The following SIL1 variants were observed in gnomAD, a reference collection of about 807,000 sequenced individuals.
SIL1 encodes the protein SIL1 nucleotide exchange factor.
SIL1 carries 40 observed loss-of-function variants against 49.1 expected under a neutral mutation model. The ratio of observed to expected loss-of-function variants is 0.81; its 90% confidence interval spans 0.63 to 1.06. SIL1 has a LOEUF of 1.06. Among genes scored for constraint, SIL1 ranks in the 50% least tolerant of loss-of-function variants. SIL1 has a pLI of 0.00. For synonymous variants in SIL1, 253 were observed against 250.8 expected, an observed-to-expected ratio of 1.01 and a Z score of -0.08; for missense variants, 500 against 572.6, an observed-to-expected ratio of 0.87 and a Z score of 1.29.
rs868160494 is a variant in SIL1 at position 138,951,110 on chromosome 5, C to T, written c.1029+61G>A. The stretch of plus-strand genomic sequence containing the variant: ...CCGCAGTCTCTTCCATCTGTCTGTC[C>T]ATCCACCCAGAAGCACACACAAAGC... On this transcript the variant is annotated intron_variant, in intron 9 of 9. Transcript: ENST00000394817. 1.0e-4 allele frequency: 157 copies of T among 1,564,092 alleles called. 3 individuals carry two copies. The Middle Eastern group carries it at 3.2e-3, about 31-fold the overall frequency.
intron 3 of SIL1, among the ~76,000 whole-genome samples, chr5:139,093,497 A>C (rs1770388407): frequency 6.6e-6 from 1 of 152,162 alleles, no homozygotes; most frequent in Non-Finnish European, 1.5e-5. Flanking sequence ...ATAACCTGAC[A>C]CAATCTCCAT....
At position 139,058,057 on chromosome 5, in the gene SIL1, G is replaced by A. The variant is rs111716510; in HGVS notation, c.245-7011C>T. On this transcript the variant is annotated intron_variant, in intron 3 of 9. Transcript: ENST00000394817. ...TGTGATAAATGAATTAATAAAAGTA[G>A]TATATCCATATAATATTATTCACCA... Among the ~76,000 whole-genome samples the A allele has an allele frequency of 5.6e-3, 845 of 152,236 alleles. 4 individuals carry two copies. Among genetic ancestry groups the A allele is most frequent in the African/African-American group, 0.02 (810 of 41,524 alleles).
At chr5:139,054,920 C>T (rs1356882200) in intron 3 of SIL1, among the ~76,000 whole-genome samples, 2 of 152,166 alleles carry the variant, frequency 1.3e-5, no homozygotes, top group Non-Finnish European at 2.9e-5. Flanking sequence ...TACTTCTCCA[C>T]TGGGGAAATG....
chr5:139,073,900 C>CA lies in SIL1; in HGVS notation c.245-22855dup, dbSNP rs57155648. ...GGGCAACAAGAGCAAAACTCCATCT[C>CA]AAAAAAAAAAATACATAAATAATAA... On this transcript the variant is annotated intron_variant, in intron 3 of 9. Transcript: ENST00000394817. Among the ~76,000 whole-genome samples, 1,009 of 140,774 alleles carry CA rather than the reference C, an allele frequency of 7.2e-3. 5 individuals are homozygous for CA. The highest frequency in any genetic ancestry group is 0.022 in the African/African-American group (856 of 38,408). 92.4% of individuals were successfully genotyped at this position (140,774 alleles called of 152,430 possible).
At chr5:139,106,898 G>A (rs1384280969) in intron 3 of SIL1, among the ~76,000 whole-genome samples, 1 of 152,200 alleles carries the variant, frequency 6.6e-6, no homozygotes, top group African/African-American at 2.4e-5. Flanking sequence ...TTCTTTCTCT[G>A]GATGATCAAA....
intron 3 of SIL1, among the ~76,000 whole-genome samples, chr5:139,116,939 C>T (rs564375967): frequency 1.3e-5 from 2 of 152,288 alleles, no homozygotes; most frequent in South Asian, 4.1e-4. Flanking sequence ...GATGAGGAAA[C>T]TAAGGTTCTG....
intron 7 of SIL1, among the ~76,000 whole-genome samples, chr5:138,955,254 C>A (rs1029607154): frequency 6.6e-6 from 1 of 152,160 alleles, no homozygotes; most frequent in Non-Finnish European, 1.5e-5. Flanking sequence ...ATCTCCGATG[C>A]GATAAATGAG....
intron 3 of SIL1, among the ~76,000 whole-genome samples, chr5:139,058,154 G>C (rs951841524): frequency 6.6e-6 from 1 of 152,052 alleles, no homozygotes; most frequent in African/African-American, 2.4e-5. Flanking sequence ...CTAAGTGAAA[G>C]CCAGATACAA....
intron 1 of SIL1, among the ~76,000 whole-genome samples, chr5:139,135,747 AG>A (rs1047055209): frequency 3.2e-4 from 49 of 151,688 alleles, no homozygotes; most frequent in Non-Finnish European, 5.6e-4. Context: ...CAGCGACAAA[AG>A]TTAGTGCATC....
intron 3 of SIL1, among the ~76,000 whole-genome samples, chr5:139,054,542 T>C (rs1274986519): frequency 6.6e-6 from 1 of 152,178 alleles, no homozygotes; most frequent in African/African-American, 2.4e-5. Context: ...TAATAGTAAT[T>C]AGTCATGTTA....
intron 3 of SIL1, among the ~76,000 whole-genome samples, chr5:139,116,536 C>G (rs13188935): frequency 0.44 from 67,482 of 152,154 alleles, 15,341 homozygotes; most frequent in African/African-American, 0.51. Flanking sequence ...GAACAAGGGG[C>G]CCTCTGCCAG....
At chr5:139,023,228 C>A (rs1041411692) in intron 6 of SIL1, among the ~76,000 whole-genome samples, 3 of 152,202 alleles carry the variant, frequency 2.0e-5, no homozygotes, top group Middle Eastern at 6.8e-3. Flanking sequence ...AAAGCTGGGC[C>A]CCCCCCTGGT....
intron 1 of SIL1, among the ~76,000 whole-genome samples, chr5:139,144,879 A>AG (rs886367976): frequency 6.6e-6 from 1 of 152,196 alleles, no homozygotes; most frequent in African/African-American, 2.4e-5. Context: ...CTAAAAAAAA[A>AG]AAGTTAAAAC....
chr5:139,196,679 A>G (rs755204709), intron 1 of SIL1, among the ~76,000 whole-genome samples: 2 of 152,228 alleles, frequency 1.3e-5, no homozygotes, highest in African/African-American at 2.4e-5. Context: ...TTAAAACAGC[A>G]CATGTATTCA....
intron 3 of SIL1, among the ~76,000 whole-genome samples, chr5:139,087,021 T>A (rs997044981): frequency 2.0e-5 from 3 of 151,906 alleles, no homozygotes; most frequent in Middle Eastern, 6.8e-3. Context: ...TAAATAGAAA[T>A]GGGGTCTTGC....
chr5:139,164,096 GCAA>G (rs769747709), intron 1 of SIL1, among the ~76,000 whole-genome samples: 14 of 134,904 alleles, frequency 1.0e-4, no homozygotes, highest in South Asian at 2.3e-4. Context: ...TCCAGCCTGG[GCAA>G]CAACAAGAGA....
intron 1 of SIL1, among the ~76,000 whole-genome samples, chr5:139,180,529 A>G (rs1344771381): frequency 6.6e-6 from 1 of 152,016 alleles, no homozygotes; most frequent in African/African-American, 2.4e-5. Context: ...CAGAATTGGG[A>G]ATGTAGCTCC....
intron 1 of SIL1, among the ~76,000 whole-genome samples, chr5:139,189,548 G>GTTGGGCATGA (rs373341225): frequency 7.9e-5 from 12 of 152,312 alleles, no homozygotes; most frequent in African/African-American, 2.6e-4. Context: ...ATAGAAATAG[G>GTTGGGCATGA]TTGGGCATGA....
intron 7 of SIL1, among the ~76,000 whole-genome samples, chr5:138,958,430 C>T (rs140745700): frequency 1.3e-4 from 20 of 152,302 alleles, no homozygotes; most frequent in African/African-American, 4.8e-4. Flanking sequence ...TATAAAAATA[C>T]TATTTGTTCC....
Sources: allele counts gnomAD v4.1 joint callset (sites outside exome capture counted in the v4.1 genomes callset), GRCh38; gene constraint gnomAD v4.1.1; transcripts MANE v1.5; gene names NCBI Gene and HGNC (gene_info 2026-07-23, HGNC 2026-07-21).